KIAA1217: variants seen among roughly 807,000 people sequenced by gnomAD.
KIAA1217 encodes the protein KIAA1217.
KIAA1217 carries 88 observed loss-of-function variants against 163.9 expected under a neutral mutation model. That is an observed-to-expected ratio of 0.54 (90% CI 0.45 to 0.64). KIAA1217 has a LOEUF of 0.64. KIAA1217 is among the 30% of genes least tolerant of loss of function. The pLI is 0.00. For synonymous variants in KIAA1217, 903 were observed against 923.1 expected, an observed-to-expected ratio of 0.98 and a Z score of 0.39; for missense variants, 2,372 against 2,475.0, an observed-to-expected ratio of 0.96 and a Z score of 0.88.
intron 1 of KIAA1217, among the ~76,000 whole-genome samples, chr10:23,729,011 C>T (rs1000057219): frequency 2.6e-5 from 4 of 152,146 alleles, no homozygotes; most frequent in Non-Finnish European, 4.4e-5. Context: ...ATAGTTTTGC[C>T]TTTTTTTCAG....
intron 6 of KIAA1217, among the ~76,000 whole-genome samples, chr10:24,476,596 G>A (rs763448144): frequency 1.8e-4 from 28 of 152,212 alleles, no homozygotes; most frequent in Admixed American, 2.0e-4. Context: ...TATCACCAGT[G>A]TATTCTGACA....
chr10:23,932,595 C>T (rs1843304065), intron 1 of KIAA1217, among the ~76,000 whole-genome samples: 1 of 152,094 alleles, frequency 6.6e-6, no homozygotes, highest in African/African-American at 2.4e-5. Context: ...CTGTTAAACC[C>T]TATTCTCATG....
chr10:24,364,584 G>A (rs552037457), intron 2 of KIAA1217, among the ~76,000 whole-genome samples: 130 of 152,166 alleles, frequency 8.5e-4, no homozygotes, highest in Admixed American at 1.7e-3. Flanking sequence ...GGCTTCCTAC[G>A]TCTCCAGCAT....
At chr10:24,507,573 A>G (rs905401568) in intron 9 of KIAA1217, among the ~76,000 whole-genome samples, 1 of 152,244 alleles carries the variant, frequency 6.6e-6, no homozygotes, top group African/African-American at 2.4e-5. Flanking sequence ...AAAAACAGCA[A>G]TGGAAACTGT....
chr10:23,738,728 G>A (rs865825443), intron 1 of KIAA1217, among the ~76,000 whole-genome samples: 42 of 142,292 alleles, frequency 3.0e-4, no homozygotes, highest in African/African-American at 1.1e-3. Context: ...CAGAATTTAT[G>A]GATAGATATT....
At chr10:24,346,791 G>A (rs898078637) in intron 2 of KIAA1217, among the ~76,000 whole-genome samples, 12 of 151,942 alleles carry the variant, frequency 7.9e-5, no homozygotes, top group East Asian at 5.9e-4. Flanking sequence ...GGCTGGTCTC[G>A]AACTCCTGAC....
At chr10:24,208,515 C>A (rs1231429564), upstream of KIAA1217, among the ~76,000 whole-genome samples, 3 of 151,962 alleles carry the variant, frequency 2.0e-5, no homozygotes, top group East Asian at 5.8e-4. Flanking sequence ...GACGCTATAC[C>A]TCTTCATAGA....
At chr10:24,098,090 C>T (rs1040132740) in intron 2 of KIAA1217, among the ~76,000 whole-genome samples, 1 of 152,038 alleles carries the variant, frequency 6.6e-6, no homozygotes, top group Non-Finnish European at 1.5e-5. Flanking sequence ...TGCTTGTGAG[C>T]ATGTGGGTTA....
chr10:23,969,835 CCTGAGA>C (rs1174200926), intron 1 of KIAA1217, among the ~76,000 whole-genome samples: 8 of 152,166 alleles, frequency 5.3e-5, no homozygotes, highest in Non-Finnish European at 1.0e-4. Context: ...TAAAGACATA[CCTGAGA>C]CTGGGTGGTT....
chr10:24,245,291 G>T (rs1190997093), intron 2 of KIAA1217, among the ~76,000 whole-genome samples: 1 of 152,152 alleles, frequency 6.6e-6, no homozygotes, highest in South Asian at 2.1e-4. Flanking sequence ...TCGAAGTGAC[G>T]ATAGGAGTCC....
At chr10:24,108,347 G>A (rs2062710489) in intron 2 of KIAA1217, among the ~76,000 whole-genome samples, 1 of 152,164 alleles carries the variant, frequency 6.6e-6, no homozygotes, top group African/African-American at 2.4e-5. Context: ...CAATGATTGG[G>A]GGTTTCTTAA....
intron 5 of KIAA1217, among the ~76,000 whole-genome samples, chr10:24,457,360 G>GTGTGTGTGTGTGTGTGTGTGTT (rs774686589): frequency 7.3e-5 from 11 of 151,672 alleles, no homozygotes; most frequent in East Asian, 5.9e-4. Flanking sequence ...GTGTGTGTGT[G>GTGTGTGTGTGTGTGTGTGTGTT]TGTATGTGTG....
intron 1 of KIAA1217, among the ~76,000 whole-genome samples, chr10:23,781,468 T>G (rs932727380): frequency 6.6e-6 from 1 of 152,214 alleles, no homozygotes; most frequent in African/African-American, 2.4e-5. Flanking sequence ...GAGTTCCTTA[T>G]GTATTTTGGA....
chr10:23,705,297 T>G (rs1836813553), intron 1 of KIAA1217, among the ~76,000 whole-genome samples: 1 of 152,140 alleles, frequency 6.6e-6, no homozygotes, highest in Non-Finnish European at 1.5e-5. Flanking sequence ...TACAATTATC[T>G]GTTTTTTTTC....
intron 1 of KIAA1217, among the ~76,000 whole-genome samples, chr10:23,874,005 T>C (rs1279965119): frequency 1.3e-5 from 2 of 152,072 alleles, no homozygotes; most frequent in Non-Finnish European, 2.9e-5. Flanking sequence ...TTTGCTTACA[T>C]AGGAGGCACA....
chr10:23,727,850 A>G (rs778118198), intron 1 of KIAA1217, among the ~76,000 whole-genome samples: 35 of 152,146 alleles, frequency 2.3e-4, no homozygotes, highest in Admixed American at 5.2e-4. Context: ...CTCTGTGTCC[A>G]TGTGTTCTCA....
At chr10:24,111,511 T>C (rs2062843322) in intron 2 of KIAA1217, among the ~76,000 whole-genome samples, 1 of 152,228 alleles carries the variant, frequency 6.6e-6, no homozygotes, top group South Asian at 2.1e-4. Context: ...GAATTAGATC[T>C]CATTGAACTA....
Position 23,868,841 on chromosome 10 carries a change from A to T in KIAA1217, c.-320-138384A>T, listed in dbSNP as rs1268213274. ...TCACAAGTTGAGGCTATCCTTTCCCATATTTTTGAATATTTGAAAAAGTAT... is the reference window on the plus strand; with the variant it reads ...TCACAAGTTGAGGCTATCCTTTCCCTTATTTTTGAATATTTGAAAAAGTAT... On this transcript the variant is annotated intron_variant, in intron 1 of 18. Coordinates refer to the KIAA1217 transcript ENST00000376462. Among the ~76,000 whole-genome samples the T allele has an allele frequency of 2.6e-5, 4 of 152,110 alleles. No homozygotes were observed. In the East Asian group the frequency reaches 7.7e-4, roughly 29 times the overall value.
chr10:23,824,889 T>A (rs1837827528), intron 1 of KIAA1217, among the ~76,000 whole-genome samples: 1 of 151,980 alleles, frequency 6.6e-6, no homozygotes, highest in Non-Finnish European at 1.5e-5. Flanking sequence ...GGCATCCTTT[T>A]CACTCTCATA....
Sources: allele counts gnomAD v4.1 joint callset (sites outside exome capture counted in the v4.1 genomes callset), GRCh38; gene constraint gnomAD v4.1.1; transcripts MANE v1.5; gene names NCBI Gene and HGNC (gene_info 2026-07-23, HGNC 2026-07-21).